GRM4: variants seen among roughly 807,000 people sequenced by gnomAD.
The protein encoded by GRM4 is glutamate metabotropic receptor 4, also known as metabotropic glutamate receptor 4.
Under a neutral mutation model 81.7 loss-of-function variants are expected in GRM4, and 28 were observed. That is an observed-to-expected ratio of 0.34 (90% CI 0.25 to 0.47). The LOEUF (loss-of-function observed/expected upper bound fraction) is 0.47. GRM4 is among the 20% of genes least tolerant of loss of function. The pLI is 1.00. For missense variants in GRM4, 948 were observed against 1,290.0 expected (o/e 0.73, Z 4.06); for synonymous variants, 488 against 528.8 (o/e 0.92, Z 1.06).
intron 3 of GRM4, among the ~76,000 whole-genome samples, chr6:34,066,022 C>T (rs1457241279): frequency 6.6e-6 from 1 of 152,158 alleles, no homozygotes; most frequent in Non-Finnish European, 1.5e-5. Flanking sequence ...GGCTACCCCA[C>T]CCATCAAAAC....
chr6:34,103,476 C>T, intron 2 of GRM4: 3 of 878,334 alleles, frequency 3.4e-6, no homozygotes, highest in African/African-American at 1.6e-5. Context: ...TAAGAGCGCC[C>T]GAGAGAGCAG....
In GRM4 at chr6:34,069,202, A is replaced by ACACACACGCACG. The variant is rs1316022947; in HGVS notation, c.737-7175_737-7174insCGTGCGTGTGTG. On this transcript the variant is annotated intron_variant, in intron 3 of 10. Transcript: ENST00000538487. The surrounding 1 kb of genome is among the most constrained non-coding windows in gnomAD (Gnocchi z 6.4). The stretch of plus-strand genomic sequence containing the variant: ...CACACACACACACACACACACACAC[A>ACACACACGCACG]CACGCACGCACACACGGCTCCTTCC... 1.1e-4 allele frequency among the ~76,000 whole-genome samples: 16 copies of ACACACACGCACG among 142,294 alleles called. No homozygotes were observed. The South Asian group carries it at 2.4e-3, about 21-fold the overall frequency. 93.4% of individuals were successfully genotyped at this position (142,294 alleles called of 152,430 possible).
chr6:34,150,096 A>T (rs75209391), upstream of GRM4, among the ~76,000 whole-genome samples: 7,132 of 152,248 alleles, frequency 0.047, 356 homozygotes, highest in African/African-American at 0.12. Flanking sequence ...CAAGGGTCTC[A>T]GATAAGGGCC....
At position 34,022,634 on chromosome 6, in the gene GRM4, G is replaced by A. The variant is rs1031331655; in HGVS notation, c.*187C>T. The A allele has an allele frequency of 6.5e-6, 4 of 613,206 alleles. No homozygotes were observed. The highest frequency in any genetic ancestry group is 5.5e-5 in the African/African-American group (3 of 54,452). The allele number at this position is 613,206 out of a possible 1,614,324, so 38.0% of individuals were successfully genotyped here. A position where few individuals can be genotyped will look rare whatever the true frequency, so the allele number is the denominator to read the frequency against. On this transcript the variant is annotated 3_prime_UTR_variant, in exon 11 of 11. Transcript: ENST00000538487. The surrounding 1 kb of genome is among the most constrained non-coding windows in gnomAD (Gnocchi z 5.6). ...CACCGCCCCGGCCCCTCGTCCTCCT[G>A]TTGCTCACCCGGTTTGCCCAGGCTG...
At chr6:34,024,598 A>T in intron 10 of GRM4, 1 of 451,972 alleles carries the variant, frequency 2.2e-6, no homozygotes, top group Non-Finnish European at 4.5e-6. Flanking sequence ...GGATGGGGTG[A>T]GCAGAGGGGT....
rs41267669 is a variant in GRM4 at position 34,133,968 on chromosome 6, G to A, written c.-363-109C>T. ...AGAGAAGGAGATGCTAGAGGTTATC[G>A]CCGAAGATTCCATAAATCTCCTGAA... On this transcript the variant is annotated intron_variant, in intron 1 of 10. Coordinates refer to ENST00000538487, the MANE Select transcript of GRM4 (RefSeq NM_000841.4). This position sits in a 1 kb window ranked among gnomAD's most constrained non-coding sequence, Gnocchi z 6.5. The A allele has an allele frequency of 0.035, 13,456 of 389,174 alleles. 674 individuals carry two copies. Among genetic ancestry groups the A allele is most frequent in the African/African-American group, 0.16 (7,290 of 45,892 alleles). 24.1% of individuals were successfully genotyped at this position (389,174 alleles called of 1,614,324 possible). A position where few individuals can be genotyped will look rare whatever the true frequency, so the allele number is the denominator to read the frequency against.
intron 2 of GRM4, among the ~76,000 whole-genome samples, chr6:34,116,631 T>A (rs78548094): frequency 0.02 from 3,000 of 152,312 alleles, 41 homozygotes; most frequent in Middle Eastern, 0.065. Flanking sequence ...TAATCATTCA[T>A]GCAACCTATG....
intron 2 of GRM4, among the ~76,000 whole-genome samples, chr6:34,107,779 G>C (rs560740369): frequency 6.6e-6 from 1 of 152,266 alleles, no homozygotes; most frequent in Non-Finnish European, 1.5e-5. Context: ...GGATACCCAC[G>C]GGAGGCCACT....
rs531560239 is a variant in GRM4 at position 34,114,511 on chromosome 6, G to A, written c.519+18467C>T. Reference sequence around the variant, plus strand: ...ACTTTTAACTCCCAAATCCAAGCAGGCACCATCCTGCAGGATCAAGTCCAC... The same window carrying A: ...ACTTTTAACTCCCAAATCCAAGCAGACACCATCCTGCAGGATCAAGTCCAC... On this transcript the variant is annotated intron_variant, in intron 2 of 10. Coordinates refer to ENST00000538487, the MANE Select transcript of GRM4 (RefSeq NM_000841.4). The surrounding 1 kb of genome is among the most constrained non-coding windows in gnomAD (Gnocchi z 4.3). 1.3e-5 allele frequency among the ~76,000 whole-genome samples: 2 copies of A among 152,042 alleles called. No individual in the cohort carries two copies. Among genetic ancestry groups the A allele is most frequent in the East Asian group, 1.9e-4 (1 of 5,164 alleles).
chr6:34,058,742 T>C (rs1357784020), intron 5 of GRM4, among the ~76,000 whole-genome samples: 1 of 152,116 alleles, frequency 6.6e-6, no homozygotes, highest in Non-Finnish European at 1.5e-5. Flanking sequence ...ACCCCAAAAA[T>C]GTCTGAGAAG....
intron 9 of GRM4, among the ~76,000 whole-genome samples, chr6:34,030,412 T>TG (rs1764355288): frequency 6.6e-6 from 1 of 152,140 alleles, no homozygotes; most frequent in East Asian, 1.9e-4. Flanking sequence ...TGGGCCCACA[T>TG]GGAGTTGGTG....
At chr6:34,119,941 C>A (rs538893118) in intron 2 of GRM4, among the ~76,000 whole-genome samples, 1 of 152,124 alleles carries the variant, frequency 6.6e-6, no homozygotes, top group South Asian at 2.1e-4. Context: ...GGAGGCAACA[C>A]GCACCCCAGC....
chr6:34,138,506 C>T (rs537507466), intron 1 of GRM4, among the ~76,000 whole-genome samples: 42 of 152,342 alleles, frequency 2.8e-4, no homozygotes, highest in African/African-American at 1.0e-3. Context: ...GATGGCAGCG[C>T]CACTGCCCCA....
rs1766604733 is a variant in GRM4, at chr6:34,068,509, C to A, written c.737-6481G>T. Among the ~76,000 whole-genome samples the A allele has an allele frequency of 6.6e-6, 1 of 152,048 alleles. No homozygotes were observed. The highest frequency in any genetic ancestry group is 1.5e-5 in the Non-Finnish European group (1 of 67,988). ...TGCTCTCCTTGCAGCACTTCCCCAT[C>A]CTCCCTGGCATGGCTCTCCCCACCC... On this transcript the variant is annotated intron_variant, in intron 3 of 10. Coordinates refer to ENST00000538487, the MANE Select transcript of GRM4 (RefSeq NM_000841.4). The surrounding 1 kb of genome is among the most constrained non-coding windows in gnomAD (Gnocchi z 4.2).
At chr6:34,096,678 G>C (rs1195129174) in intron 2 of GRM4, among the ~76,000 whole-genome samples, 2 of 48,660 alleles carry the variant, frequency 4.1e-5, no homozygotes. Context: ...CCCCGAAGAG[G>C]GGTAGGTTGT....
Position 34,069,261 on chromosome 6 carries a change from CAG to C in GRM4, c.737-7235_737-7234del, listed in dbSNP as rs1321913695. 6.6e-6 allele frequency among the ~76,000 whole-genome samples: 1 copy of C among 152,030 alleles called. No homozygotes were observed. Among genetic ancestry groups the C allele is most frequent in the Non-Finnish European group, 1.5e-5 (1 of 68,010 alleles). On this transcript the variant is annotated intron_variant, in intron 3 of 10. Transcript: ENST00000538487. The surrounding 1 kb of genome is among the most constrained non-coding windows in gnomAD (Gnocchi z 6.4). Reference sequence around the variant, plus strand: ...TCCAAAGCCAGGCCCTTCCCCAAAACAGCTCTCAGGAAGGGGACCAGAAATAG... The same window carrying C: ...TCCAAAGCCAGGCCCTTCCCCAAAACCTCTCAGGAAGGGGACCAGAAATAG...
chr6:34,036,563 G>GCA lies in GRM4; in HGVS notation c.1546_1547insTG (p.Pro516LeufsTer19). On this transcript the variant is annotated frameshift_variant, in exon 9 of 11. Transcript: ENST00000538487. LOFTEE classifies it high-confidence loss of function. The surrounding 1 kb of genome is among the most constrained non-coding windows in gnomAD (Gnocchi z 9.0). ...GCAGGGCAGGCTGCAGATGGAGCGG[G>GCA]GCAGCTGCTGCCCGCTCCCCGGCCA... 1 of 1,599,926 alleles carries GCA rather than the reference G, an allele frequency of 6.3e-7. No individual in the cohort carries two copies. Among genetic ancestry groups the GCA allele is most frequent in the Non-Finnish European group, 8.5e-7 (1 of 1,172,770 alleles).
chr6:34,120,418 C>A lies in GRM4; in HGVS notation c.519+12560G>T, dbSNP rs141871440. Among the ~76,000 whole-genome samples, 397 of 152,278 alleles carry A rather than the reference C, an allele frequency of 2.6e-3. 4 individuals carry two copies. The highest frequency in any genetic ancestry group is 8.7e-3 in the African/African-American group (363 of 41,546). On this transcript the variant is annotated intron_variant, in intron 2 of 10. Coordinates refer to ENST00000538487, the MANE Select transcript of GRM4 (RefSeq NM_000841.4). ...GCTCCTGGCTTCCCCTTCTTTCCCC[C>A]TGTTGGGTTTGTTGTACTTTCCTAA...
chr6:34,149,519 G>A (rs1397623804), upstream of GRM4, among the ~76,000 whole-genome samples: 1 of 152,212 alleles, frequency 6.6e-6, no homozygotes, highest in Non-Finnish European at 1.5e-5. Flanking sequence ...GAGGAGCCAT[G>A]GGCTGAGGTC....
Sources: allele counts gnomAD v4.1 joint callset (sites outside exome capture counted in the v4.1 genomes callset), GRCh38; gene constraint gnomAD v4.1.1; non-coding constraint Gnocchi (gnomAD v3.1); transcripts MANE v1.5; gene names NCBI Gene and HGNC (gene_info 2026-07-23, HGNC 2026-07-21).